BMERB1: variants seen among roughly 807,000 people sequenced by gnomAD.
BMERB1 encodes the protein bMERB domain containing 1.
BMERB1 carries 12 observed loss-of-function variants against 23.6 expected under a neutral mutation model. That is an observed-to-expected ratio of 0.51 (90% CI 0.33 to 0.82). The LOEUF is 0.82. Among genes scored for constraint, BMERB1 ranks in the 40% least tolerant of loss-of-function variants. BMERB1 has a pLI of 0.03. For missense variants in BMERB1, 247 were observed against 255.4 expected (o/e 0.97, Z 0.22); for synonymous variants, 122 against 96.6 (o/e 1.26, Z -1.54).
chr16:15,583,275 A>C (rs992534282), intron 5 of BMERB1, 37 bp downstream of exon 5: 4 of 1,490,304 alleles, frequency 2.7e-6, no homozygotes, highest in African/African-American at 2.8e-5. Context: ...TCCCCCACAA[A>C]AGAGAAAAGT....
chr16:15,520,609 G>A (rs1177219198), intron 2 of BMERB1, among the ~76,000 whole-genome samples: 8 of 150,620 alleles, frequency 5.3e-5, no homozygotes. Flanking sequence ...TCAGCCTCCC[G>A]AGTAGCTGGG....
chr16:15,555,612 A>C lies in BMERB1; in HGVS notation c.231-12371A>C, dbSNP rs547997806. The stretch of plus-strand genomic sequence containing the variant: ...CAGTGTGACAGGTGGATGTAAATCC[A>C]CAGTCCATTAAAATGGCCACAGAGA... On this transcript the variant is annotated intron_variant, in intron 2 of 5. Transcript: ENST00000300006. Among the ~76,000 whole-genome samples the C allele has an allele frequency of 1.8e-4, 28 of 152,316 alleles. No individual in the cohort carries two copies. In the East Asian group the frequency reaches 3.9e-3, roughly 21 times the overall value.
chr16:15,511,886 G>A (rs970884080), intron 1 of BMERB1, among the ~76,000 whole-genome samples: 1 of 151,920 alleles, frequency 6.6e-6, no homozygotes. Context: ...GGTGACATGC[G>A]CCTGTAGATC....
chr16:15,557,851 C>T (rs1400440812), intron 2 of BMERB1, among the ~76,000 whole-genome samples: 1 of 152,128 alleles, frequency 6.6e-6, no homozygotes, highest in Non-Finnish European at 1.5e-5. Context: ...TCAAGACCAG[C>T]CTGGCCAAGA....
intron 2 of BMERB1, among the ~76,000 whole-genome samples, chr16:15,545,537 G>A (rs1040272741): frequency 2.0e-5 from 3 of 152,098 alleles, no homozygotes; most frequent in African/African-American, 7.2e-5. Context: ...CCAAAAAATG[G>A]GATTGTAGAA....
chr16:15,463,107 G>T (rs2051149990), intron 1 of BMERB1, among the ~76,000 whole-genome samples: 1 of 151,558 alleles, frequency 6.6e-6, no homozygotes, highest in African/African-American at 2.4e-5. Flanking sequence ...TGGAGACAAG[G>T]TCTTGCTGTT....
intron 2 of BMERB1, among the ~76,000 whole-genome samples, chr16:15,521,000 C>T (rs979605545): frequency 1.3e-5 from 2 of 151,944 alleles, no homozygotes; most frequent in African/African-American, 4.8e-5. Flanking sequence ...TCCCGAGTTC[C>T]TGTTTTCTTC....
At position 15,434,779 on chromosome 16, in the gene BMERB1, G is replaced by A. The variant is rs2050872514; in HGVS notation, c.106+20G>A. On this transcript the variant is annotated intron_variant, in intron 1 of 5. Transcript: ENST00000300006. Reference sequence around the variant, plus strand: ...GGAGAAGTGAGTACTGGGGCGGGGGGCGGGGGGCCGGGGACAGCTGGGGAT... The same window carrying A: ...GGAGAAGTGAGTACTGGGGCGGGGGACGGGGGGCCGGGGACAGCTGGGGAT... 1.2e-5 allele frequency: 5 copies of A among 416,514 alleles called. 1 individual carries two copies. Among genetic ancestry groups the A allele is most frequent in the South Asian group, 9.2e-5 (5 of 54,062 alleles). The allele number at this position is 416,514 out of a possible 1,614,324, so 25.8% of individuals were successfully genotyped here.
intron 1 of BMERB1, among the ~76,000 whole-genome samples, chr16:15,488,813 G>A (rs981448255): frequency 7.3e-5 from 10 of 136,478 alleles, no homozygotes; most frequent in African/African-American, 1.7e-4. Flanking sequence ...GCGAGACTCC[G>A]TCTCAAAAAA....
chr16:15,452,492 C>A (rs1358065895), intron 1 of BMERB1, among the ~76,000 whole-genome samples: 1 of 152,084 alleles, frequency 6.6e-6, no homozygotes, highest in African/African-American at 2.4e-5. Context: ...CATCTCTGAG[C>A]CACTGTGCCC....
chr16:15,537,654 G>A (rs2052038311), intron 2 of BMERB1, among the ~76,000 whole-genome samples: 2 of 148,856 alleles, frequency 1.3e-5, no homozygotes, highest in South Asian at 2.1e-4. Context: ...ATGCCCGGCC[G>A]AGAAATATAT....
At chr16:15,516,517 G>A (rs1220533079) in intron 2 of BMERB1, among the ~76,000 whole-genome samples, 1 of 152,158 alleles carries the variant, frequency 6.6e-6, no homozygotes, top group Non-Finnish European at 1.5e-5. Flanking sequence ...AACAGTGAAA[G>A]GTTACAAGCA....
At chr16:15,550,863 G>C (rs1407079411) in intron 2 of BMERB1, among the ~76,000 whole-genome samples, 3 of 152,156 alleles carry the variant, frequency 2.0e-5, no homozygotes, top group African/African-American at 7.2e-5. Flanking sequence ...TGGAGAATAA[G>C]AATACCACCC....
intron 1 of BMERB1, among the ~76,000 whole-genome samples, chr16:15,497,405 GA>G (rs1171754215): frequency 6.6e-6 from 1 of 152,150 alleles, no homozygotes; most frequent in Non-Finnish European, 1.5e-5. Context: ...ACTTATTTGA[GA>G]GGCAAGGAAT....
chr16:15,490,293 A>AT (rs1419399834), intron 1 of BMERB1, among the ~76,000 whole-genome samples: 1 of 152,110 alleles, frequency 6.6e-6, no homozygotes, highest in Non-Finnish European at 1.5e-5. Context: ...GCACTGGCAT[A>AT]TGTATTTTTT....
intron 4 of BMERB1, among the ~76,000 whole-genome samples, chr16:15,582,852 A>G (rs1481514338): frequency 6.6e-6 from 1 of 152,138 alleles, no homozygotes; most frequent in East Asian, 1.9e-4. Context: ...TCAAAATACA[A>G]GGTCAGGAGA....
chr16:15,478,972 C>T (rs563375386), intron 1 of BMERB1, among the ~76,000 whole-genome samples: 1 of 152,324 alleles, frequency 6.6e-6, no homozygotes, highest in Admixed American at 6.5e-5. Context: ...GTGGCTGGAA[C>T]TGAACTAGCT....
At chr16:15,465,093 A>G (rs896973421) in intron 1 of BMERB1, among the ~76,000 whole-genome samples, 2 of 152,114 alleles carry the variant, frequency 1.3e-5, no homozygotes, top group African/African-American at 4.8e-5. Context: ...TGTACATGTG[A>G]TAAAATTGCA....
chr16:15,553,263 C>A (rs938230020), intron 2 of BMERB1, among the ~76,000 whole-genome samples: 2 of 152,230 alleles, frequency 1.3e-5, no homozygotes, highest in African/African-American at 4.8e-5. Context: ...CTGCCTCGGC[C>A]TCCCGAAGTG....
Sources: gnomAD v4.1 joint callset for allele counts (sites outside exome capture counted in the v4.1 genomes callset) on GRCh38, gnomAD v4.1.1 for gene constraint, MANE v1.5 for transcripts, NCBI Gene and HGNC (gene_info 2026-07-23, HGNC 2026-07-21) for gene names.